Variants in PPCDC observed in about 807,000 individuals in gnomAD.
The protein encoded by PPCDC is phosphopantothenoylcysteine decarboxylase.
PPCDC carries 20 observed loss-of-function variants against 20.7 expected under a neutral mutation model. That is an observed-to-expected ratio of 0.97 (90% confidence interval 0.68 to 1.41). The LOEUF (loss-of-function observed/expected upper bound fraction) is 1.41. Among genes scored for constraint, PPCDC ranks in the 40% most tolerant of loss-of-function variants. The pLI is 0.00. For missense variants in PPCDC, 246 were observed against 263.8 expected (o/e 0.93, Z 0.47); for synonymous variants, 88 against 100.3 (o/e 0.88, Z 0.73).
At chr15:75,044,671 A>C in intron 4 of PPCDC, 157 bp downstream of exon 4, 5 of 1,016,142 alleles carry the variant, frequency 4.9e-6, no homozygotes, top group Non-Finnish European at 7.0e-6. Flanking sequence ...CAGTGCTCTC[A>C]CCTTCTCTGT....
At chr15:75,038,572 C>T (rs1292594535) in intron 2 of PPCDC, among the ~76,000 whole-genome samples, 1 of 152,154 alleles carries the variant, frequency 6.6e-6, no homozygotes, top group Non-Finnish European at 1.5e-5. Flanking sequence ...CTCCATACAT[C>T]AGCAGAGGGA....
chr15:75,023,804 C>T (rs570435809), intron 1 of PPCDC, among the ~76,000 whole-genome samples, 178 bp downstream of exon 1: 16 of 152,288 alleles, frequency 1.1e-4, no homozygotes, highest in African/African-American at 3.8e-4. Flanking sequence ...TCCATCTGTG[C>T]GACCTCACTT....
intron 4 of PPCDC, among the ~76,000 whole-genome samples, 159 bp from the exon 5 acceptor site, chr15:75,048,394 A>C (rs554073195): frequency 1.3e-5 from 2 of 152,324 alleles, no homozygotes; most frequent in African/African-American, 4.8e-5. Flanking sequence ...GCGAGGAGAC[A>C]TAGCCCCCAC....
chr15:75,043,618 G>A, intron 3 of PPCDC, 82 bp downstream of exon 3: 2 of 1,258,520 alleles, frequency 1.6e-6, no homozygotes, highest in Non-Finnish European at 2.2e-6. Flanking sequence ...CCTATGGTCT[G>A]GCAGCTGGAA....
chr15:75,038,112 G>A (rs527478864), intron 2 of PPCDC, among the ~76,000 whole-genome samples: 1 of 152,122 alleles, frequency 6.6e-6, no homozygotes, highest in African/African-American at 2.4e-5. Context: ...AGTATTTTTC[G>A]ATTTAGATGA....
chr15:75,028,558 T>C, intron 2 of PPCDC, 105 bp downstream of exon 2: 1 of 1,469,704 alleles, frequency 6.8e-7, no homozygotes, highest in Non-Finnish European at 9.3e-7. Context: ...TTTTTCTTTA[T>C]CATGTTAATC....
chr15:75,048,863 C>T (rs770358322), intron 5 of PPCDC, 142 bp downstream of exon 5: 46 of 1,201,826 alleles, frequency 3.8e-5, no homozygotes, highest in Middle Eastern at 2.2e-4. Context: ...AAATGGGAAT[C>T]GTAATTCCTG....
At chr15:75,032,965 A>T (rs1015017312) in intron 2 of PPCDC, among the ~76,000 whole-genome samples, 1 of 151,534 alleles carries the variant, frequency 6.6e-6, no homozygotes, top group Non-Finnish European at 1.5e-5. Flanking sequence ...CACTCTGCTA[A>T]TTTTTTTGCA....
At chr15:75,047,324 G>A (rs939140582) in intron 4 of PPCDC, among the ~76,000 whole-genome samples, 3 of 152,210 alleles carry the variant, frequency 2.0e-5, no homozygotes, top group African/African-American at 7.2e-5. Flanking sequence ...GGCTTGGTGG[G>A]AAACTAATGC....
At position 75,043,486 on chromosome 15, in the gene PPCDC, A is replaced by C; in HGVS notation, c.181A>C (p.Ser61Arg). 20 of 1,613,018 alleles carry C rather than the reference A, an allele frequency of 1.2e-5. No individual in the cohort carries two copies. Among genetic ancestry groups the C allele is most frequent in the Non-Finnish European group, 1.7e-5 (20 of 1,179,534 alleles). The change falls in exon 3 of 6, where the codon AGC becomes CGC. Residue 61 changes from serine to arginine, a missense_variant. This residue lies in a region of PPCDC where 225 missense variants were observed against 222.6 expected (regional missense o/e 1.01). Coordinates refer to ENST00000342932, the MANE Select transcript of PPCDC (RefSeq NM_021823.5). Reference sequence around the variant, plus strand: ...AACTGAGAGAGCCAAACATTTCTACAGCCCCCAGGACATTCCTGTCACCCT... The same window carrying C: ...AACTGAGAGAGCCAAACATTTCTACCGCCCCCAGGACATTCCTGTCACCCT... Reference protein sequence around the residue: ...VTTERAKHFYSPQDIPVTLYS... With the variant: ...VTTERAKHFYRPQDIPVTLYS...
chr15:75,027,480 C>T (rs991619985), intron 1 of PPCDC, among the ~76,000 whole-genome samples: 46 of 152,124 alleles, frequency 3.0e-4, no homozygotes, highest in African/African-American at 1.0e-3. Flanking sequence ...TTGATTTGTA[C>T]GGTGGTGCCC....
chr15:75,047,415 C>G (rs2066250569), intron 4 of PPCDC, among the ~76,000 whole-genome samples: 1 of 152,208 alleles, frequency 6.6e-6, no homozygotes, highest in Non-Finnish European at 1.5e-5. Flanking sequence ...GGGGGAGGTG[C>G]TGGTCCTGTC....
intron 1 of PPCDC, among the ~76,000 whole-genome samples, chr15:75,025,407 C>T (rs2065948881): frequency 1.3e-5 from 2 of 152,190 alleles, no homozygotes; most frequent in Admixed American, 6.5e-5. Flanking sequence ...TGTCTTTAGT[C>T]TGGTTCTGTG....
rs534723655 is a variant in PPCDC at position 75,044,875 on chromosome 15, G to A, written c.360+361G>A. 5.0e-4 allele frequency: 124 copies of A among 248,662 alleles called. 1 individual carries two copies. Among genetic ancestry groups the A allele is most frequent in the Non-Finnish European group, 8.5e-4 (106 of 124,962 alleles). 15.4% of individuals were successfully genotyped at this position (248,662 alleles called of 1,614,324 possible). On this transcript the variant is annotated intron_variant, in intron 4 of 5. Coordinates refer to ENST00000342932, the MANE Select transcript of PPCDC (RefSeq NM_021823.5). ...TCTCTGCCCAGCCCCATCGCCTCCCGCTTCAGCTCTGCCTTCTCCGCAGAT... is the reference window on the plus strand; with the variant it reads ...TCTCTGCCCAGCCCCATCGCCTCCCACTTCAGCTCTGCCTTCTCCGCAGAT...
chr15:75,043,488 C>A lies in PPCDC; in HGVS notation c.183C>A (p.Ser61Arg), dbSNP rs1248982999. ...CTGAGAGAGCCAAACATTTCTACAG[C>A]CCCCAGGACATTCCTGTCACCCTCT... is the stretch of plus-strand genomic sequence containing the variant. ...VTTERAKHFY[S>R]PQDIPVTLYS... Residue 61 changes from serine to arginine, a missense_variant, in exon 3 of 6, where the codon AGC becomes AGA. Physicochemically the swap from Ser to Arg is moderately radical, Grantham distance 110 (BLOSUM62 -1). Coordinates refer to ENST00000342932, the MANE Select transcript of PPCDC (RefSeq NM_021823.5). 7 of 1,612,780 alleles carry A rather than the reference C, an allele frequency of 4.3e-6. No homozygotes were observed. In the African/African-American group the frequency reaches 6.7e-5, roughly 15 times the overall value.
chr15:75,041,345 C>T (rs1463179402), intron 2 of PPCDC, among the ~76,000 whole-genome samples: 1 of 152,162 alleles, frequency 6.6e-6, no homozygotes, highest in African/African-American at 2.4e-5. Flanking sequence ...TAAATGACCT[C>T]TAGGCTGGGC....
intron 2 of PPCDC, among the ~76,000 whole-genome samples, chr15:75,029,700 G>T (rs1490260010): frequency 6.6e-6 from 1 of 152,156 alleles, no homozygotes; most frequent in African/African-American, 2.4e-5. Flanking sequence ...GGGCAGTGCT[G>T]CTTAGGCCCA....
At position 75,048,567 on chromosome 15, in the gene PPCDC, G is replaced by A. The variant is rs2066270334; in HGVS notation, c.375G>A (p.Arg125=). ...CTTCTTCACAGACCTGCGTCATGCG[G>A]GCCTGGGACCGCAGCAAGCCCCTGC... The part of the protein sequence containing the change: ...ICDNLLTCVM[R]AWDRSKPLLF... The change falls in exon 5 of 6, where the codon CGG becomes CGA. Residue 125 remains arginine (R), a synonymous_variant. Transcript: ENST00000342932. 1 of 1,614,014 alleles carries A rather than the reference G, an allele frequency of 6.2e-7. No individual in the cohort carries two copies. The highest frequency in any genetic ancestry group is 8.5e-7 in the Non-Finnish European group (1 of 1,179,954).
rs369246954 is a variant in PPCDC at position 75,028,547 on chromosome 15, C to A, written c.135+94C>A. The A allele has an allele frequency of 1.9e-3, 2,885 of 1,533,582 alleles. 6 individuals carry two copies. The highest frequency in any genetic ancestry group is 2.3e-3 in the Non-Finnish European group (2,585 of 1,120,080). 95.0% of individuals were successfully genotyped at this position (1,533,582 alleles called of 1,614,324 possible). On this transcript the variant is annotated intron_variant, in intron 2 of 5. Transcript: ENST00000342932. ...ATTGCTCTGCAGTACATGCAATTTT[C>A]TTTTTCTTTATCATGTTAATCATGC...
Sources: allele counts gnomAD v4.1 joint callset (sites outside exome capture counted in the v4.1 genomes callset), GRCh38; gene constraint gnomAD v4.1.1; regional missense constraint gnomAD v4.1.1; transcripts MANE v1.5; gene names NCBI Gene and HGNC (gene_info 2026-07-23, HGNC 2026-07-21).